MKRN2OS: variants seen among roughly 807,000 people sequenced by gnomAD.
The protein encoded by MKRN2OS is MKRN2 opposite strand protein.
Under a neutral mutation model 18.2 loss-of-function variants are expected in MKRN2OS, and 17 were observed. The ratio of observed to expected loss-of-function variants is 0.93; its 90% CI spans 0.64 to 1.40. MKRN2OS has a LOEUF of 1.40. Among genes scored for constraint, MKRN2OS ranks in the 40% most tolerant of loss-of-function variants. The pLI, the probability that MKRN2OS is intolerant of heterozygous loss-of-function variation, is 0.00. For missense variants in MKRN2OS, 337 were observed against 283.0 expected (o/e 1.19, Z -1.37); for synonymous variants, 121 against 108.5 (o/e 1.12, Z -0.72).
chr3:12,560,347 C>T (rs558862441), intron 1 of MKRN2OS, among the ~76,000 whole-genome samples: 1 of 152,122 alleles, frequency 6.6e-6, no homozygotes, highest in African/African-American at 2.4e-5. Flanking sequence ...ATTTCATTCC[C>T]GCCTCTAATC....
chr3:12,542,350 G>GTTCT (rs2057826683), intron 2 of MKRN2OS, among the ~76,000 whole-genome samples: 1 of 152,186 alleles, frequency 6.6e-6, no homozygotes, highest in African/African-American at 2.4e-5. Flanking sequence ...TTTTATTGAA[G>GTTCT]TTCTCTATTT....
Position 12,540,205 on chromosome 3 carries a change from G to A in MKRN2OS, c.660C>T (p.Gly220=), listed in dbSNP as rs370623617. 3.1e-5 allele frequency: 48 copies of A among 1,536,100 alleles called. No individual in the cohort carries two copies. Among genetic ancestry groups the A allele is most frequent in the South Asian group, 7.1e-5 (6 of 84,052 alleles). ...GCTTACATAGCTCTCAGCACAAACC[G>A]CCGCCCTCAGGGGGTTGTGCCTGCT... ...PQQQAQPPEG[G]GLC is the part of the protein sequence containing the mutation. The change falls in exon 4 of 4, where the codon GGC becomes GGT. Residue 220 remains glycine (G), a synonymous_variant. Transcript: ENST00000564146.
Position 12,540,286 on chromosome 3 carries a change from G to T in MKRN2OS, c.579C>A (p.Ile193=). The T allele has an allele frequency of 6.5e-7, 1 of 1,536,134 alleles. No individual in the cohort carries two copies. Among genetic ancestry groups the T allele is most frequent in the South Asian group, 1.2e-5 (1 of 84,060 alleles). The change falls in exon 4 of 4, where the codon ATC becomes ATA. Residue 193 remains isoleucine, a synonymous_variant. Coordinates refer to ENST00000564146, the MANE Select transcript of MKRN2OS (RefSeq NM_001195279.2). ...GCTCCCGTATCGCCCGGTAGAGTGT[G>T]ATGAACTTGGATGCCAGCCTTGTCC... ...VPRTRLASKF[I]TLYRAIREHG... is the part of the protein sequence containing the mutation.
chr3:12,548,932 A>T (rs1351756279), upstream of MKRN2OS, among the ~76,000 whole-genome samples: 4 of 151,980 alleles, frequency 2.6e-5, no homozygotes, highest in African/African-American at 7.2e-5. Flanking sequence ...AAGGCATTTT[A>T]TTTTTTATTT....
downstream of MKRN2OS, among the ~76,000 whole-genome samples, chr3:12,551,585 C>G (rs2057930180): frequency 6.6e-6 from 1 of 151,076 alleles, no homozygotes; most frequent in Non-Finnish European, 1.5e-5. Flanking sequence ...AAATAAAGAA[C>G]AAATAACAGA....
chr3:12,544,093 C>T (rs923477153), intron 1 of MKRN2OS, among the ~76,000 whole-genome samples: 1 of 151,986 alleles, frequency 6.6e-6, no homozygotes, highest in Admixed American at 6.6e-5. Context: ...ATGACCAAAA[C>T]CTTTTACATA....
In MKRN2OS at chr3:12,543,261, T is replaced by C. The variant is rs536564770; in HGVS notation, c.219-32A>G. ...GAAACAAGGTTTGTTTTTTTTTGGT[T>C]TGCATGTATTTGGCATGAAGAATTG... is the stretch of plus-strand genomic sequence containing the variant. On this transcript the variant is annotated intron_variant, in intron 1 of 3. Coordinates refer to ENST00000564146, the MANE Select transcript of MKRN2OS (RefSeq NM_001195279.2). The C allele has an allele frequency of 2.2e-5, 34 of 1,513,214 alleles. No individual in the cohort carries two copies. In the South Asian group the frequency reaches 3.9e-4, roughly 17 times the overall value. The allele number at this position is 1,513,214 out of a possible 1,614,324, so 93.7% of individuals were successfully genotyped here.
At chr3:12,551,391 A>T (rs1022387020), downstream of MKRN2OS, among the ~76,000 whole-genome samples, 4 of 151,918 alleles carry the variant, frequency 2.6e-5, no homozygotes, top group Admixed American at 6.6e-5. Flanking sequence ...GCTACTCGGG[A>T]GGCTGAGGCA....
At chr3:12,554,729 G>A (rs1477853030) in intron 1 of MKRN2OS, among the ~76,000 whole-genome samples, 1 of 152,030 alleles carries the variant, frequency 6.6e-6, no homozygotes, top group East Asian at 1.9e-4. Context: ...TATGTACGCT[G>A]TGCAGAACAG....
At chr3:12,555,148 A>G (rs980313793) in intron 1 of MKRN2OS, among the ~76,000 whole-genome samples, 1 of 152,092 alleles carries the variant, frequency 6.6e-6, no homozygotes, top group Admixed American at 6.6e-5. Flanking sequence ...CGTCGCTACT[A>G]AAACACAAAA....
At position 12,541,871 on chromosome 3, in the gene MKRN2OS, C is replaced by T. The variant is rs1354823617; in HGVS notation, c.420G>A (p.Trp140Ter). 1 of 1,535,426 alleles carries T rather than the reference C, an allele frequency of 6.5e-7. No individual in the cohort carries two copies. The highest frequency in any genetic ancestry group is 1.2e-5 in the South Asian group (1 of 83,978). The stretch of plus-strand genomic sequence containing the variant: ...TTGCAGTCGTGTACCTGTGAGGCAG[C>T]CAGGCCCCCGAGGTGGAGAAGTCTT... ...YLEDFSTSGA[W>*]LPHRYEDNHH... The change falls in exon 3 of 4, where the codon TGG becomes TGA. Residue 140 changes from tryptophan (W) to a stop codon, truncating the protein, a stop_gained. Coordinates refer to ENST00000564146, the MANE Select transcript of MKRN2OS (RefSeq NM_001195279.2). LOFTEE classifies it low-confidence loss of function (END_TRUNC).
In MKRN2OS at chr3:12,557,320, C is replaced by T. The variant is rs948831988; in HGVS notation, n.265-3186G>A. The T allele has an allele frequency of 5.0e-6, 6 of 1,202,590 alleles. No homozygotes were observed. In the Admixed American group the frequency reaches 9.5e-5, roughly 19 times the overall value. The allele number at this position is 1,202,590 out of a possible 1,614,324, so 74.5% of individuals were successfully genotyped here. A position where few individuals can be genotyped will look rare whatever the true frequency, so the allele number is the denominator to read the frequency against. On this transcript the variant is annotated intron_variant and non_coding_transcript_variant, in intron 1 of 1. Transcript: ENST00000447550. ...CTGTTCGCGGCGGGGCTTTGCGAGG[C>T]AGAGCGAGCGCTGCCGCCACAGCCG...
Position 12,540,050 on chromosome 3 carries a change from G to A in MKRN2OS, c.*143C>T. 8.1e-7 allele frequency: 1 copy of A among 1,232,248 alleles called. No individual in the cohort carries two copies. The highest frequency in any genetic ancestry group is 1.5e-5 in the South Asian group (1 of 67,966). 76.3% of individuals were successfully genotyped at this position (1,232,248 alleles called of 1,614,324 possible). On this transcript the variant is annotated 3_prime_UTR_variant, in exon 4 of 4. Transcript: ENST00000564146. Reference sequence around the variant, plus strand: ...CCTACCTGTCTTAGCTTCCCAAAGTGCTGGGATTACAGGTGTGAGCCACCA... The same window carrying A: ...CCTACCTGTCTTAGCTTCCCAAAGTACTGGGATTACAGGTGTGAGCCACCA...
In MKRN2OS at chr3:12,545,322, A is replaced by T. The variant is rs767803291; in HGVS notation, c.143T>A (p.Ile48Asn). The T allele has an allele frequency of 6.5e-7, 1 of 1,536,042 alleles. No homozygotes were observed. Among genetic ancestry groups the T allele is most frequent in the African/African-American group, 1.4e-5 (1 of 73,066 alleles). The change falls in exon 1 of 4, where the codon ATC becomes AAC. Residue 48 changes from isoleucine (I) to asparagine (N), a missense_variant. Transcript: ENST00000564146. The part of the protein sequence containing the change: ...SRKLEDAPVS[I>N]ANPFTNGHQE... ...ATGTCCATTAGTAAATGGATTAGCG[A>T]TGCTAACAGGTGCGTCCTCCAGCTT...
In MKRN2OS at chr3:12,557,130, CG is replaced by C. The variant is rs769842929; in HGVS notation, n.265-2997del. ...GCTGCGAGAGGCGGCGGCACGACGA[CG>C]GTCCCTCAGCCCAGCCACCATGAGC... On this transcript the variant is annotated intron_variant and non_coding_transcript_variant, in intron 1 of 1. Coordinates refer to the MKRN2OS transcript ENST00000447550. The C allele has an allele frequency of 9.2e-4, 1,377 of 1,499,902 alleles. 1 individual carries two copies. The highest frequency in any genetic ancestry group is 1.1e-3 in the South Asian group (87 of 79,746). The allele number at this position is 1,499,902 out of a possible 1,614,324, so 92.9% of individuals were successfully genotyped here.
chr3:12,555,296 A>G (rs1211303137), intron 1 of MKRN2OS, among the ~76,000 whole-genome samples: 1 of 142,786 alleles, frequency 7.0e-6, no homozygotes, highest in East Asian at 2.0e-4. Flanking sequence ...TGGGTGACAG[A>G]GCAAGACTCC....
chr3:12,557,948 T>C (rs2057996040), intron 1 of MKRN2OS, among the ~76,000 whole-genome samples: 1 of 152,240 alleles, frequency 6.6e-6, no homozygotes, highest in South Asian at 2.1e-4. Context: ...TAGAATAGTG[T>C]GGTTGTGTAA....
intron 2 of MKRN2OS, 34 bp downstream of exon 2, chr3:12,543,146 G>C: frequency 6.0e-6 from 9 of 1,511,500 alleles, no homozygotes; most frequent in Non-Finnish European, 8.0e-6. Context: ...TTGCTGGGTA[G>C]TAGGGGTTTT....
At chr3:12,547,510 C>G (rs2057895380), upstream of MKRN2OS, among the ~76,000 whole-genome samples, 1 of 151,834 alleles carries the variant, frequency 6.6e-6, no homozygotes, top group African/African-American at 2.4e-5. Context: ...CACCACTGTA[C>G]CCAGCTTGGG....
Sources: gnomAD v4.1 joint callset for allele counts (sites outside exome capture counted in the v4.1 genomes callset) on GRCh38, gnomAD v4.1.1 for gene constraint, MANE v1.5 for transcripts, NCBI Gene and HGNC (gene_info 2026-07-23, HGNC 2026-07-21) for gene names.